NLGN4X: variants seen among roughly 807,000 people sequenced by gnomAD.
NLGN4X encodes neuroligin-4, X-linked.
Under a neutral mutation model 40.3 loss-of-function variants are expected in NLGN4X, and 3 were observed. The observed-to-expected ratio is 0.07, with a 90% CI of 0.03 to 0.19. The LOEUF is 0.19. Among genes scored for constraint, NLGN4X ranks in the 10% least tolerant of loss-of-function variants. The pLI is 1.00. For missense variants in NLGN4X, 382 were observed against 708.3 expected (o/e 0.54, Z 5.23); for synonymous variants, 270 against 306.8 (o/e 0.88, Z 1.25).
At chrX:6,050,347 C>A (rs1245089577) in intron 2 of NLGN4X, among the ~76,000 whole-genome samples, 1 of 111,497 alleles carries the variant, frequency 9.0e-6, no homozygotes, top group Non-Finnish European at 1.9e-5. Context: ...ATCTACCTGT[C>A]TATCTATCCA....
chrX:5,943,220 T>C (rs1188722777), intron 3 of NLGN4X, among the ~76,000 whole-genome samples: 3 of 111,015 alleles, frequency 2.7e-5, no homozygotes, highest in Non-Finnish European at 3.8e-5. Flanking sequence ...AATGCTACGG[T>C]TCTCAAGAAG....
At chrX:5,936,284 G>A (rs1446658658) in intron 3 of NLGN4X, among the ~76,000 whole-genome samples, 1 of 110,967 alleles carries the variant, frequency 9.0e-6, no homozygotes, top group Non-Finnish European at 1.9e-5. Context: ...CTAATCCTAC[G>A]AAACCCAGGA....
intron 1 of NLGN4X, among the ~76,000 whole-genome samples, chrX:6,218,147 G>C (rs1925257994): frequency 9.0e-6 from 1 of 111,063 alleles, no homozygotes; most frequent in South Asian, 3.8e-4. Context: ...GAGCAAGCCT[G>C]CTACCTCAAG....
chrX:6,009,237 C>T (rs756862780), intron 3 of NLGN4X, among the ~76,000 whole-genome samples: 28 of 111,952 alleles, frequency 2.5e-4, no homozygotes, highest in Non-Finnish European at 1.7e-4. Context: ...GCTTTCAATT[C>T]TTTTGAGTAT....
intron 2 of NLGN4X, among the ~76,000 whole-genome samples, chrX:6,093,652 C>CAT (rs1458674838): frequency 3.6e-5 from 4 of 111,052 alleles, no homozygotes; most frequent in Non-Finnish European, 7.6e-5. Flanking sequence ...AGATATCTGT[C>CAT]ATATGAAATG....
At chrX:5,991,374 CAG>C in intron 3 of NLGN4X, 1 of 499,540 alleles carries the variant, frequency 2.0e-6, no homozygotes, top group Non-Finnish European at 3.7e-6. Flanking sequence ...TGTCTAAGCC[CAG>C]AGAAGTGAGA....
chrX:6,183,767 T>C (rs1921737405), intron 1 of NLGN4X, among the ~76,000 whole-genome samples: 1 of 111,769 alleles, frequency 8.9e-6, no homozygotes, highest in Non-Finnish European at 1.9e-5. Flanking sequence ...GGTACTATTT[T>C]ATCCCTTTTA....
rs752135104 is a variant in NLGN4X at position 5,929,028 on chromosome X, A to C, written c.626-19789T>G. 8.1e-5 allele frequency among the ~76,000 whole-genome samples: 9 copies of C among 110,845 alleles called. No individual in the cohort carries two copies. The South Asian group carries it at 1.6e-3, about 19-fold the overall frequency. On this transcript the variant is annotated intron_variant, in intron 3 of 5. Coordinates refer to ENST00000381095, the MANE Select transcript of NLGN4X (RefSeq NM_181332.3). ...TAGTTGATCTGCTGATTAACCTGTT[A>C]GAGGAAAATGCAATGATTATTATTT... is the stretch of plus-strand genomic sequence containing the variant.
intron 2 of NLGN4X, among the ~76,000 whole-genome samples, chrX:6,054,557 T>G (rs2037571097): frequency 9.0e-6 from 1 of 110,980 alleles, no homozygotes; most frequent in Non-Finnish European, 1.9e-5. Context: ...GATTTCAAGG[T>G]TGCAGTGAGC....
intron 2 of NLGN4X, among the ~76,000 whole-genome samples, chrX:6,035,278 T>C (rs933833221): frequency 1.1e-4 from 12 of 111,698 alleles, no homozygotes; most frequent in African/African-American, 3.3e-4. Flanking sequence ...ATGTTCTCAA[T>C]AGTGCCTTTT....
chrX:5,926,295 T>A (rs776199638), intron 3 of NLGN4X, among the ~76,000 whole-genome samples: 17 of 110,249 alleles, frequency 1.5e-4, no homozygotes, highest in African/African-American at 5.3e-4. Context: ...TAAACCTCTT[T>A]CCTTAATAAA....
intron 2 of NLGN4X, among the ~76,000 whole-genome samples, chrX:6,054,626 TAATA>T (rs917148218): frequency 9.0e-6 from 1 of 110,697 alleles, no homozygotes; most frequent in Non-Finnish European, 1.9e-5. Context: ...AAAAAAATAA[TAATA>T]AATAAATAAA....
At position 5,900,560 on chromosome X, in the gene NLGN4X, C is replaced by CTTTTTTTTTTTTTTTTTTT. The variant is rs1163973694; in HGVS notation, c.1601+2498_1601+2516dup. The stretch of plus-strand genomic sequence containing the variant: ...GTTATAAGACACACCGTTTTTGGTG[C>CTTTTTTTTTTTTTTTTTTT]TTTTTTTTTTTTTTTTTTTTTTTTT... On this transcript the variant is annotated intron_variant, in intron 5 of 5. Transcript: ENST00000381095. Among the ~76,000 whole-genome samples the CTTTTTTTTTTTTTTTTTTT allele has an allele frequency of 1.1e-4, 5 of 45,596 alleles. 2 individuals carry two copies. Among genetic ancestry groups the CTTTTTTTTTTTTTTTTTTT allele is most frequent in the African/African-American group, 1.7e-4 (2 of 11,772 alleles). 39.6% of individuals were successfully genotyped at this position (45,596 alleles called of 115,157 possible). A position where few individuals can be genotyped will look rare whatever the true frequency, so the allele number is the denominator to read the frequency against.
chrX:5,984,370 A>G (rs987975238), intron 3 of NLGN4X, among the ~76,000 whole-genome samples: 15 of 106,135 alleles, frequency 1.4e-4, no homozygotes, highest in Middle Eastern at 4.8e-3. Context: ...GTAAAATTTA[A>G]TACAAAATAC....
At chrX:5,933,254 A>G (rs1174712467) in intron 3 of NLGN4X, among the ~76,000 whole-genome samples, 1 of 111,908 alleles carries the variant, frequency 8.9e-6, no homozygotes, top group Non-Finnish European at 1.9e-5. Context: ...AATATATGAA[A>G]TGCAAGCACA....
chrX:5,946,124 T>TG (rs2034112958), intron 3 of NLGN4X, among the ~76,000 whole-genome samples: 1 of 111,585 alleles, frequency 9.0e-6, no homozygotes, highest in Non-Finnish European at 1.9e-5. Flanking sequence ...CTCTTTGTCA[T>TG]GGGGGGCTGT....
chrX:6,021,021 T>C (rs1424783009), intron 3 of NLGN4X, among the ~76,000 whole-genome samples: 9 of 17,819 alleles, frequency 5.1e-4, no homozygotes, highest in Non-Finnish European at 8.2e-4. Flanking sequence ...TCTCTCTCTC[T>C]CTCTCTCTCT....
At chrX:6,150,959 A>G in intron 2 of NLGN4X, 36 bp downstream of exon 2, 5 of 1,104,425 alleles carry the variant, frequency 4.5e-6, no homozygotes, top group Non-Finnish European at 6.3e-6. Context: ...CACACTGCAC[A>G]AGAGGTATTG....
chrX:5,897,223 C>T (rs1193403962), intron 5 of NLGN4X, among the ~76,000 whole-genome samples: 1 of 111,795 alleles, frequency 8.9e-6, no homozygotes, highest in Non-Finnish European at 1.9e-5. Context: ...CTTTAAAGCA[C>T]TGTTCTTTGT....
Sources: gnomAD v4.1 joint callset for allele counts (sites outside exome capture counted in the v4.1 genomes callset) on GRCh38, gnomAD v4.1.1 for gene constraint, MANE v1.5 for transcripts, NCBI Gene and HGNC (gene_info 2026-07-23, HGNC 2026-07-21) for gene names.